Variants in CIZ1 observed in about 807,000 individuals in gnomAD.
The protein encoded by CIZ1 is CDKN1A interacting zinc finger protein 1.
A neutral mutation model predicts 118.6 loss-of-function variants in CIZ1; 58 were observed. The observed-to-expected ratio is 0.49, with a 90% CI of 0.40 to 0.61. CIZ1 has a LOEUF of 0.61. Ranked by LOEUF, CIZ1 falls within the 20% of genes least tolerant of loss-of-function variation. The pLI, the probability that CIZ1 is intolerant of heterozygous loss-of-function variation, is 0.00. For synonymous variants in CIZ1, 448 were observed against 443.4 expected (o/e 1.01, Z -0.13); for missense variants, 921 against 1,115.9 (o/e 0.83, Z 2.49).
upstream of CIZ1, among the ~76,000 whole-genome samples, chr9:128,193,469 G>A (rs966239444): frequency 1.3e-5 from 2 of 152,064 alleles, no homozygotes; most frequent in Non-Finnish European, 2.9e-5. Context: ...AGCACTTTGT[G>A]GGGGGTCCAG....
chr9:128,168,054 C>CCCCA (rs1371016634), intron 14 of CIZ1, among the ~76,000 whole-genome samples: 1 of 152,168 alleles, frequency 6.6e-6, no homozygotes, highest in East Asian at 1.9e-4. Flanking sequence ...CCCCTCAATA[C>CCCCA]CCCACTTTGG....
At position 128,188,403 on chromosome 9, in the gene CIZ1, G is replaced by A. The variant is rs552441816; in HGVS notation, c.287-469C>T. ...TGGTGGTTTTCTTCAGGTGGTGAGT[G>A]AGTCAACAGATGACACTGTGGGTTT... is the stretch of plus-strand genomic sequence containing the variant. On this transcript the variant is annotated intron_variant, in intron 3 of 16. Coordinates refer to ENST00000372938, the MANE Select transcript of CIZ1 (RefSeq NM_001131016.2). Among the ~76,000 whole-genome samples the A allele has an allele frequency of 7.2e-5, 11 of 152,292 alleles. No individual in the cohort carries two copies. The South Asian group carries it at 2.3e-3, about 32-fold the overall frequency.
chr9:128,169,786 C>G, intron 12 of CIZ1: 4 of 1,371,172 alleles, frequency 2.9e-6, no homozygotes, highest in Non-Finnish European at 4.0e-6. Context: ...CCAAATAACC[C>G]CTGTGAGCCC....
At position 128,169,067 on chromosome 9, in the gene CIZ1, C is replaced by CTCCTCAACCTCGATCTCTTCTTCA. The variant is rs1350974595; in HGVS notation, c.2256_2279dup (p.Asp752_Glu759dup). ...CCCCCAGCACCTGCTTGCAGAGTTC[C>CTCCTCAACCTCGATCTCTTCTTCA]TCCTCAACCTCGATCTCTTCTTCAT... On this transcript the variant is annotated inframe_insertion, in exon 14 of 17. Transcript: ENST00000372938. The CTCCTCAACCTCGATCTCTTCTTCA allele has an allele frequency of 6.2e-7, 1 of 1,614,046 alleles. No homozygotes were observed. Among genetic ancestry groups the CTCCTCAACCTCGATCTCTTCTTCA allele is most frequent in the African/African-American group, 1.3e-5 (1 of 74,922 alleles).
chr9:128,191,930 G>T, upstream of CIZ1: 2 of 1,432,920 alleles, frequency 1.4e-6, no homozygotes, highest in South Asian at 1.4e-5. This position sits in a 1 kb window ranked among gnomAD's most constrained non-coding sequence, Gnocchi z 5.5. Flanking sequence ...CGCAGTTGGC[G>T]GATGTACATT....
At position 128,190,708 on chromosome 9, in the gene CIZ1, C is replaced by A. The variant is rs1833027057; in HGVS notation, c.150G>T (p.Pro50=). Residue 50 remains proline (P), a synonymous_variant, in exon 2 of 17, where the codon CCG becomes CCT. Transcript: ENST00000372938. ...QLLQQSPPQA[P]LPMAVSRGLP... is the part of the protein sequence containing the mutation. ...CTCACCGGCTGACAGCCATGGGCAA[C>A]GGGGCCTGTGGTGGGGACTGCTGGA... The A allele has an allele frequency of 1.3e-6, 2 of 1,551,960 alleles. No homozygotes were observed. Among genetic ancestry groups the A allele is most frequent in the Non-Finnish European group, 1.7e-6 (2 of 1,149,366 alleles).
chr9:128,181,794 G>A (rs1390700177), intron 5 of CIZ1, among the ~76,000 whole-genome samples: 3 of 150,064 alleles, frequency 2.0e-5, no homozygotes, highest in African/African-American at 7.4e-5. Context: ...CCCTTTCCCC[G>A]AGGGAGTTTA....
upstream of CIZ1, among the ~76,000 whole-genome samples, chr9:128,193,942 A>G (rs963822734): frequency 6.6e-6 from 1 of 152,230 alleles, no homozygotes. Context: ...CACCTGGCAC[A>G]GAAGGAGCTT....
At position 128,172,739 on chromosome 9, in the gene CIZ1, A is replaced by G. The variant is rs1016320939; in HGVS notation, c.1944-2632T>C. ...CACAAGAAGAACTAGGTCAAAATGT[A>G]AACAGTGTTTATCTCTGGGTAATGG... On this transcript the variant is annotated intron_variant, in intron 11 of 16. Transcript: ENST00000372938. 6.6e-5 allele frequency among the ~76,000 whole-genome samples: 10 copies of G among 152,192 alleles called. No individual in the cohort carries two copies. In the East Asian group the frequency reaches 1.9e-3, roughly 29 times the overall value.
intron 9 of CIZ1, among the ~76,000 whole-genome samples, chr9:128,177,973 C>T (rs892944017): frequency 1.1e-4 from 16 of 152,292 alleles, no homozygotes; most frequent in Middle Eastern, 6.8e-3. Flanking sequence ...TACCACTCAT[C>T]CCACCCCTTG....
At chr9:128,167,435 G>T in intron 14 of CIZ1, 1 of 465,658 alleles carries the variant, frequency 2.1e-6, no homozygotes, top group Non-Finnish European at 3.8e-6. Flanking sequence ...CACGCCAGGT[G>T]TGCCCAAGAC....
chr9:128,203,462 G>A lies in CIZ1; in HGVS notation c.-6+724C>T, dbSNP rs1211001656. The A allele has an allele frequency of 2.0e-6, 3 of 1,476,942 alleles. No individual in the cohort carries two copies. The highest frequency in any genetic ancestry group is 1.8e-6 in the Non-Finnish European group (2 of 1,113,140). The allele number at this position is 1,476,942 out of a possible 1,614,324, so 91.5% of individuals were successfully genotyped here. ...AGCCGGATCGCAGCCTGCGGGGCCCGCCGCAGCCATGGGCAACCGCGGCAT... is the reference window on the plus strand; with the variant it reads ...AGCCGGATCGCAGCCTGCGGGGCCCACCGCAGCCATGGGCAACCGCGGCAT... On this transcript the variant is annotated intron_variant, in intron 1 of 17. Coordinates refer to the CIZ1 transcript ENST00000372948. This position sits in a 1 kb window ranked among gnomAD's most constrained non-coding sequence, Gnocchi z 5.3.
At chr9:128,194,385 A>G (rs999942695), upstream of CIZ1, among the ~76,000 whole-genome samples, 24 of 150,558 alleles carry the variant, frequency 1.6e-4, no homozygotes, top group Admixed American at 4.0e-4. Context: ...AAAAAAAAGA[A>G]TCTTGCACAT....
chr9:128,176,619 C>A (rs1025639898), intron 10 of CIZ1, 144 bp from the exon 11 acceptor site: 1 of 859,262 alleles, frequency 1.2e-6, no homozygotes, highest in Admixed American at 3.0e-5. Context: ...TAGGCTAGAG[C>A]AGGCATGATA....
At chr9:128,189,290 T>C (rs541530519) in intron 3 of CIZ1, among the ~76,000 whole-genome samples, 7 of 152,314 alleles carry the variant, frequency 4.6e-5, no homozygotes, top group African/African-American at 1.4e-4. Context: ...TATATGTATA[T>C]GTGGCAGGTC....
intron 14 of CIZ1, among the ~76,000 whole-genome samples, chr9:128,168,528 G>GA (rs530396817): frequency 0.083 from 9,833 of 119,040 alleles, 971 homozygotes; most frequent in African/African-American, 0.25. Context: ...AAAAAAAAAA[G>GA]AAAAAAAAAA....
At chr9:128,194,624 C>G (rs1833331946), upstream of CIZ1, among the ~76,000 whole-genome samples, 1 of 152,068 alleles carries the variant, frequency 6.6e-6, no homozygotes, top group African/African-American at 2.4e-5. Flanking sequence ...CGAGACCAGC[C>G]TGGCCAACAT....
chr9:128,170,648 C>T (rs909008449), intron 11 of CIZ1, among the ~76,000 whole-genome samples: 3 of 151,692 alleles, frequency 2.0e-5, no homozygotes, highest in African/African-American at 7.3e-5. Flanking sequence ...GGGTGAGACC[C>T]CCATCTCAAA....
chr9:128,172,312 T>G (rs1830244703), intron 11 of CIZ1, among the ~76,000 whole-genome samples: 1 of 152,066 alleles, frequency 6.6e-6, no homozygotes, highest in South Asian at 2.1e-4. Context: ...GCCAACATGG[T>G]GAAACCCTGT....
Sources: allele counts gnomAD v4.1 joint callset (sites outside exome capture counted in the v4.1 genomes callset), GRCh38; gene constraint gnomAD v4.1.1; non-coding constraint Gnocchi (gnomAD v3.1); transcripts MANE v1.5; gene names NCBI Gene and HGNC (gene_info 2026-07-23, HGNC 2026-07-21).